GCM1: variants seen among roughly 807,000 people sequenced by gnomAD.
GCM1 encodes GCM transcription factor 1.
A neutral mutation model predicts 25.7 loss-of-function variants in GCM1; 2 were observed. The observed-to-expected ratio is 0.08, with a 90% CI of 0.03 to 0.24. The LOEUF (loss-of-function observed/expected upper bound fraction) is 0.24, where lower values mean the gene tolerates loss of function less well. GCM1 is among the 10% of genes least tolerant of loss of function. The pLI is 1.00. For missense variants in GCM1, 395 were observed against 538.7 expected (o/e 0.73, Z 2.64); for synonymous variants, 183 against 195.7 (o/e 0.94, Z 0.54).
intron 1 of GCM1, among the ~76,000 whole-genome samples, chr6:53,148,417 C>T (rs1243538119): frequency 6.6e-6 from 1 of 152,062 alleles, no homozygotes; most frequent in Non-Finnish European, 1.5e-5. Context: ...AATTTTATTA[C>T]AGAACAACTA....
intron 2 of GCM1, 30 bp downstream of exon 2, chr6:53,145,528 T>C (rs757504303): frequency 7.8e-6 from 9 of 1,158,840 alleles, no homozygotes; most frequent in Non-Finnish European, 1.2e-5. Context: ...AGCCCAATGT[T>C]GAAGGCAGAT....
intron 2 of GCM1, among the ~76,000 whole-genome samples, chr6:53,142,018 A>G (rs1390562616): frequency 2.1e-4 from 28 of 131,950 alleles, no homozygotes; most frequent in Non-Finnish European, 3.4e-4. Context: ...AAAAAAAAAA[A>G]AAAAAAAAAA....
At chr6:53,133,457 G>A (rs1036129299) in intron 3 of GCM1, among the ~76,000 whole-genome samples, 1 of 152,012 alleles carries the variant, frequency 6.6e-6, no homozygotes, top group Non-Finnish European at 1.5e-5. Context: ...CTCCCAAAGT[G>A]CTGGGATTGT....
rs1259951702 is a variant in GCM1, at chr6:53,142,000, G to GGAA, written c.75+3557_75+3558insTTC. 9.7e-3 allele frequency among the ~76,000 whole-genome samples: 119 copies of GGAA among 12,302 alleles called. 6 individuals carry two copies. The highest frequency in any genetic ancestry group is 0.015 in the Non-Finnish European group (87 of 5,940). The allele number at this position is 12,302 out of a possible 152,430, so 8.1% of individuals were successfully genotyped here. The stretch of plus-strand genomic sequence containing the variant: ...GCTTGGGTAATGAGAGTGAGACCCT[G>GGAA]AAAAAAAAAAAAAAAAAAAAAAAAA... On this transcript the variant is annotated intron_variant, in intron 2 of 5. Transcript: ENST00000259803.
chr6:53,146,515 C>A (rs371863464), intron 1 of GCM1, among the ~76,000 whole-genome samples: 1 of 151,836 alleles, frequency 6.6e-6, no homozygotes, highest in African/African-American at 2.4e-5. Context: ...CCACCGCACC[C>A]GGCCAGAAAA....
Position 53,128,638 on chromosome 6 carries a change from A to C in GCM1, c.879T>G (p.Asp293Glu). ...SASGVYSDHG[D>E]LQAWSKNAAL... ...CAGCATTTTTACTCCACGCTTGTAG[A>C]TCGCCATGATCAGAGTAGACTCCGG... Residue 293 changes from aspartate (D) to glutamate (E), a missense_variant, in exon 6 of 6, where the codon GAT becomes GAG. Coordinates refer to ENST00000259803, the MANE Select transcript of GCM1 (RefSeq NM_003643.4). 1 of 1,614,014 alleles carries C rather than the reference A, an allele frequency of 6.2e-7. No homozygotes were observed. Among genetic ancestry groups the C allele is most frequent in the Non-Finnish European group, 8.5e-7 (1 of 1,179,890 alleles).
chr6:53,135,184 C>A (rs1247887608), intron 2 of GCM1, among the ~76,000 whole-genome samples: 1 of 152,150 alleles, frequency 6.6e-6, no homozygotes, highest in East Asian at 1.9e-4. Context: ...TTTCCATTTG[C>A]AAGATGAAAA....
intron 2 of GCM1, among the ~76,000 whole-genome samples, chr6:53,142,379 A>G (rs906268800): frequency 2.0e-5 from 3 of 152,344 alleles, no homozygotes; most frequent in African/African-American, 7.2e-5. Context: ...AATACTGCCT[A>G]ATACAGCCTC....
chr6:53,129,113 A>G (rs1014727519), intron 5 of GCM1, among the ~76,000 whole-genome samples, 167 bp from the exon 6 acceptor site: 6 of 152,146 alleles, frequency 3.9e-5, no homozygotes, highest in Non-Finnish European at 8.8e-5. Flanking sequence ...GACCACAACC[A>G]CGAAACACTT....
At chr6:53,133,645 C>G (rs559555663) in intron 3 of GCM1, among the ~76,000 whole-genome samples, 3 of 152,254 alleles carry the variant, frequency 2.0e-5, no homozygotes, top group East Asian at 3.9e-4. Flanking sequence ...GCATATGCAA[C>G]CACACCCGAC....
At chr6:53,142,870 CAAAAAAAAAAA>C (rs60718730) in intron 2 of GCM1, among the ~76,000 whole-genome samples, 10,272 of 37,796 alleles carry the variant, frequency 0.27, 531 homozygotes, top group East Asian at 0.39. Context: ...CAAGGATCTC[CAAAAAAAAAAA>C]AAAAAAAAAA....
rs575981057 is a variant in GCM1 at position 53,145,011 on chromosome 6, A to G, written c.75+547T>C. Among the ~76,000 whole-genome samples, 5 of 151,656 alleles carry G rather than the reference A, an allele frequency of 3.3e-5. No individual in the cohort carries two copies. In the South Asian group the frequency reaches 1.0e-3, roughly 31 times the overall value. ...GAGAGAGAGAAAGAAAGAAAAAAAG[A>G]AAGAAAGAAAAAAGGAAGAAGGCAG... On this transcript the variant is annotated intron_variant, in intron 2 of 5. Transcript: ENST00000259803.
chr6:53,133,608 C>T (rs1763756966), intron 3 of GCM1, among the ~76,000 whole-genome samples: 1 of 152,172 alleles, frequency 6.6e-6, no homozygotes, highest in South Asian at 2.1e-4. Flanking sequence ...CCTTCTGCCT[C>T]AGCCTCTGGA....
chr6:53,135,796 T>TA (rs746958284), intron 2 of GCM1, among the ~76,000 whole-genome samples: 15 of 151,494 alleles, frequency 9.9e-5, no homozygotes, highest in African/African-American at 3.1e-4. Context: ...GCCCACAACA[T>TA]AAAAAAAAGA....
chr6:53,142,152 A>T (rs1248260012), intron 2 of GCM1, among the ~76,000 whole-genome samples: 2 of 152,000 alleles, frequency 1.3e-5, no homozygotes, highest in Non-Finnish European at 1.5e-5. Flanking sequence ...TGTATAACTA[A>T]TAATTCTGGC....
chr6:53,134,802 T>C (rs886167926), intron 2 of GCM1, among the ~76,000 whole-genome samples: 1 of 152,146 alleles, frequency 6.6e-6, no homozygotes, highest in Non-Finnish European at 1.5e-5. Flanking sequence ...ACCCCTTCTC[T>C]AAAAACTCAA....
chr6:53,143,756 T>C (rs1405807366), intron 2 of GCM1, among the ~76,000 whole-genome samples: 1 of 135,242 alleles, frequency 7.4e-6, no homozygotes, highest in African/African-American at 2.8e-5. Flanking sequence ...GGATGGAAAG[T>C]GGGGCACACT....
Position 53,139,057 on chromosome 6 carries a change from A to C in GCM1, c.76-4733T>G, listed in dbSNP as rs373581552. Reference sequence around the variant, plus strand: ...ATTATGAAATTGATTTTCTTTTGGAATATAGTCTGCTCTTGCATAAAGTAA... The same window carrying C: ...ATTATGAAATTGATTTTCTTTTGGACTATAGTCTGCTCTTGCATAAAGTAA... On this transcript the variant is annotated intron_variant, in intron 2 of 5. Transcript: ENST00000259803. Among the ~76,000 whole-genome samples the C allele has an allele frequency of 4.6e-5, 7 of 152,352 alleles. No homozygotes were observed. The East Asian group carries it at 9.6e-4, about 21-fold the overall frequency.
At chr6:53,141,217 G>T (rs1763869115) in intron 2 of GCM1, among the ~76,000 whole-genome samples, 1 of 152,156 alleles carries the variant, frequency 6.6e-6, no homozygotes, top group Admixed American at 6.6e-5. Flanking sequence ...CAGTATCCCT[G>T]AGCCTACTAC....
Sources: allele counts gnomAD v4.1 joint callset (sites outside exome capture counted in the v4.1 genomes callset), GRCh38; gene constraint gnomAD v4.1.1; transcripts MANE v1.5; gene names NCBI Gene and HGNC (gene_info 2026-07-23, HGNC 2026-07-21).